SDHAF3: variants seen among roughly 807,000 people sequenced by gnomAD.
SDHAF3 encodes succinate dehydrogenase complex assembly factor 3, also known as succinate dehydrogenase assembly factor 3, mitochondrial.
In SDHAF3, 18 loss-of-function variants were observed where a neutral mutation model predicts 11.5. That is an observed-to-expected ratio of 1.56 (90% CI 1.08 to 2.32). SDHAF3 has a LOEUF of 2.32. Ranked by LOEUF, SDHAF3 falls within the 30% of genes most tolerant of loss-of-function variation. SDHAF3 has a pLI of 0.00. For missense variants in SDHAF3, 200 were observed against 154.4 expected, an observed-to-expected ratio of 1.30 and a Z score of -1.57; for synonymous variants, 72 against 59.3, an observed-to-expected ratio of 1.21 and a Z score of -0.99.
chr7:97,165,242 G>A (rs1443284930), intron 1 of SDHAF3, among the ~76,000 whole-genome samples: 1 of 151,972 alleles, frequency 6.6e-6, no homozygotes, highest in South Asian at 2.1e-4. Context: ...AGCCGAGATC[G>A]TGCCACTGCA....
chr7:97,137,253 T>C (rs1445723951), intron 1 of SDHAF3, among the ~76,000 whole-genome samples: 1 of 152,180 alleles, frequency 6.6e-6, no homozygotes, highest in Non-Finnish European at 1.5e-5. Flanking sequence ...TTAAATCCTT[T>C]CCTTGATAAC....
rs201123819 is a variant in SDHAF3, at chr7:97,123,788, C to CTTT, written c.174+5903_174+5905dup. 3.1e-4 allele frequency among the ~76,000 whole-genome samples: 43 copies of CTTT among 137,578 alleles called. No homozygotes were observed. In the East Asian group the frequency reaches 8.8e-3, roughly 28 times the overall value. The allele number at this position is 137,578 out of a possible 152,430, so 90.3% of individuals were successfully genotyped here. On this transcript the variant is annotated intron_variant, in intron 1 of 1. Transcript: ENST00000432641. Reference sequence around the variant, plus strand: ...TTATGTTTGTTTACTGCATAAATGTCTTTTTTTTTTTTTTGAGAAGGGTGT... The same window carrying CTTT: ...TTATGTTTGTTTACTGCATAAATGTCTTTTTTTTTTTTTTTTTGAGAAGGGTGT...
chr7:97,159,486 T>G lies in SDHAF3; in HGVS notation c.175-21526T>G, dbSNP rs77177155. ...TAACATTTGCTTTACATATTTTTGT[T>G]GAAGTTTCCCAAATAGCCCCCTCAG... On this transcript the variant is annotated intron_variant, in intron 1 of 1. Coordinates refer to ENST00000432641, the MANE Select transcript of SDHAF3 (RefSeq NM_020186.3). Among the ~76,000 whole-genome samples, 335 of 152,312 alleles carry G rather than the reference T, an allele frequency of 2.2e-3. 4 individuals are homozygous for G. Among genetic ancestry groups the G allele is most frequent in the African/African-American group, 7.7e-3 (320 of 41,550 alleles).
At chr7:97,150,870 T>C (rs1478702948) in intron 1 of SDHAF3, among the ~76,000 whole-genome samples, 2 of 152,072 alleles carry the variant, frequency 1.3e-5, no homozygotes, top group Non-Finnish European at 2.9e-5. Context: ...CCTAGGAATC[T>C]TTTTCTGATC....
At chr7:97,168,403 G>T (rs1315158259) in intron 1 of SDHAF3, among the ~76,000 whole-genome samples, 1 of 152,162 alleles carries the variant, frequency 6.6e-6, no homozygotes, top group African/African-American at 2.4e-5. Flanking sequence ...CAAGAAGGGG[G>T]TTTGTTTTGG....
intron 1 of SDHAF3, among the ~76,000 whole-genome samples, chr7:97,120,425 G>C (rs969765931): frequency 6.6e-6 from 1 of 152,008 alleles, no homozygotes; most frequent in Non-Finnish European, 1.5e-5. Context: ...GATTGGAGGG[G>C]AGAAAAACCT....
intron 1 of SDHAF3, among the ~76,000 whole-genome samples, chr7:97,148,641 A>T (rs1174013356): frequency 6.6e-6 from 1 of 152,228 alleles, no homozygotes; most frequent in African/African-American, 2.4e-5. Context: ...TGGTTTTTCC[A>T]TTTGAAGCAT....
At chr7:97,152,741 C>T (rs1789244456) in intron 1 of SDHAF3, among the ~76,000 whole-genome samples, 1 of 152,130 alleles carries the variant, frequency 6.6e-6, no homozygotes, top group Admixed American at 6.5e-5. Context: ...CCCCTGCCTC[C>T]CAGGTTCAAG....
At chr7:97,124,036 C>T (rs4585512) in intron 1 of SDHAF3, among the ~76,000 whole-genome samples, 53,515 of 151,816 alleles carry the variant, frequency 0.35, 9,526 homozygotes, top group East Asian at 0.49. Context: ...CTTTCGTTGC[C>T]ATTGCTGTTG....
At chr7:97,166,013 G>T (rs749609545) in intron 1 of SDHAF3, among the ~76,000 whole-genome samples, 3 of 152,132 alleles carry the variant, frequency 2.0e-5, no homozygotes, top group Non-Finnish European at 2.9e-5. Flanking sequence ...CTGGGGCAGG[G>T]GTACAGGTGT....
At chr7:97,171,754 C>G (rs1166208699) in intron 1 of SDHAF3, among the ~76,000 whole-genome samples, 1 of 151,930 alleles carries the variant, frequency 6.6e-6, no homozygotes, top group African/African-American at 2.4e-5. Flanking sequence ...ATTTACAGAG[C>G]TTGACAGTTT....
chr7:97,143,972 G>T (rs1181763701), intron 1 of SDHAF3, among the ~76,000 whole-genome samples: 3 of 152,010 alleles, frequency 2.0e-5, no homozygotes, highest in Admixed American at 2.0e-4. Context: ...AGTGTCCGCT[G>T]ATCACCGCAT....
chr7:97,130,921 A>G (rs1791661298), intron 1 of SDHAF3, among the ~76,000 whole-genome samples: 1 of 152,198 alleles, frequency 6.6e-6, no homozygotes, highest in South Asian at 2.1e-4. Flanking sequence ...GATTGGCTGA[A>G]AAGGCAGGGA....
chr7:97,129,168 A>C (rs1308006396), intron 1 of SDHAF3, among the ~76,000 whole-genome samples: 3 of 148,804 alleles, frequency 2.0e-5, no homozygotes, highest in African/African-American at 7.8e-5. Flanking sequence ...CATATTTATG[A>C]ATAAAACAAT....
At position 97,126,842 on chromosome 7, in the gene SDHAF3, A is replaced by C. The variant is rs560826762; in HGVS notation, c.174+8945A>C. Among the ~76,000 whole-genome samples the C allele has an allele frequency of 3.0e-4, 36 of 122,006 alleles. No homozygotes were observed. In the East Asian group the frequency reaches 0.01, roughly 35 times the overall value. 80.0% of individuals were successfully genotyped at this position (122,006 alleles called of 152,430 possible). A position where few individuals can be genotyped will look rare whatever the true frequency, so the allele number is the denominator to read the frequency against. ...CCTGGGTTCCAGGCACCACTGGAGT[A>C]CCGAAAAAAAAAAAAAAAAACCCTG... is the stretch of plus-strand genomic sequence containing the variant. On this transcript the variant is annotated intron_variant, in intron 1 of 1. Coordinates refer to ENST00000432641, the MANE Select transcript of SDHAF3 (RefSeq NM_020186.3).
At chr7:97,128,909 T>TAACA (rs1791620775) in intron 1 of SDHAF3, among the ~76,000 whole-genome samples, 1 of 152,114 alleles carries the variant, frequency 6.6e-6, no homozygotes, top group Non-Finnish European at 1.5e-5. Flanking sequence ...CTTGCTCTGT[T>TAACA]GCCCAGTCTG....
chr7:97,180,777 A>T lies in SDHAF3; in HGVS notation c.175-235A>T, dbSNP rs1162945564. 2.6e-5 allele frequency among the ~76,000 whole-genome samples: 4 copies of T among 152,180 alleles called. No individual in the cohort carries two copies. The East Asian group carries it at 7.7e-4, about 29-fold the overall frequency. On this transcript the variant is annotated intron_variant, in intron 1 of 1. Coordinates refer to ENST00000432641, the MANE Select transcript of SDHAF3 (RefSeq NM_020186.3). The stretch of plus-strand genomic sequence containing the variant: ...CAGGGACTCACCACTCTTTACTTAT[A>T]TCCAGGTTAAAAATTTTGCTAAAAG...
chr7:97,141,215 A>G (rs1161382166), intron 1 of SDHAF3, among the ~76,000 whole-genome samples: 3 of 152,168 alleles, frequency 2.0e-5, no homozygotes, highest in African/African-American at 7.2e-5. Context: ...ATCAATGACA[A>G]TGCGTGCCGG....
At chr7:97,119,572 A>T (rs541565204) in intron 1 of SDHAF3, among the ~76,000 whole-genome samples, 5 of 152,302 alleles carry the variant, frequency 3.3e-5, no homozygotes, top group Admixed American at 3.3e-4. Flanking sequence ...GGGTACAGTG[A>T]TCAAAAACAA....
Sources: gnomAD v4.1 joint callset for allele counts (sites outside exome capture counted in the v4.1 genomes callset) on GRCh38, gnomAD v4.1.1 for gene constraint, MANE v1.5 for transcripts, NCBI Gene and HGNC (gene_info 2026-07-23, HGNC 2026-07-21) for gene names.